SLC1A1: variants seen among roughly 807,000 people sequenced by gnomAD.
The protein encoded by SLC1A1 is solute carrier family 1 member 1.
A neutral mutation model predicts 53.3 loss-of-function variants in SLC1A1; 43 were observed. The observed-to-expected ratio is 0.81, with a 90% confidence interval of 0.63 to 1.04. The LOEUF is 1.04. Among genes scored for constraint, SLC1A1 ranks in the 50% least tolerant of loss-of-function variants. The pLI is 0.00. For missense variants in SLC1A1, 748 were observed against 664.9 expected, an observed-to-expected ratio of 1.12 and a Z score of -1.37; for synonymous variants, 307 against 243.2, an observed-to-expected ratio of 1.26 and a Z score of -2.44.
Position 4,490,542 on chromosome 9 carries a change from G to T in SLC1A1, c.-138G>T. 1 of 503,184 alleles carries T rather than the reference G, an allele frequency of 2.0e-6. No individual in the cohort carries two copies. The highest frequency in any genetic ancestry group is 3.4e-6 in the Non-Finnish European group (1 of 295,638). 31.2% of individuals were successfully genotyped at this position (503,184 alleles called of 1,614,324 possible). A position where few individuals can be genotyped will look rare whatever the true frequency, so the allele number is the denominator to read the frequency against. On this transcript the variant is annotated 5_prime_UTR_variant, in exon 1 of 12. Coordinates refer to ENST00000262352, the MANE Select transcript of SLC1A1 (RefSeq NM_004170.6). ...TGGCGGCGGCAACGGCGGTGGTGAC[G>T]GCGGCGACTGCAGCGGCCGGCTCTC... is the stretch of plus-strand genomic sequence containing the variant.
At chr9:4,493,484 C>T (rs923281794) in intron 1 of SLC1A1, among the ~76,000 whole-genome samples, 4 of 152,160 alleles carry the variant, frequency 2.6e-5, no homozygotes, top group East Asian at 1.9e-4. Flanking sequence ...CCAGAAAAAT[C>T]GCAAGAGCTC....
chr9:4,573,032 A>C (rs1046752367), intron 7 of SLC1A1, among the ~76,000 whole-genome samples: 5 of 152,228 alleles, frequency 3.3e-5, no homozygotes, highest in African/African-American at 1.2e-4. Context: ...ATGAGAACAC[A>C]AAGTGCTTTC....
chr9:4,529,297 G>A (rs938375759), intron 1 of SLC1A1, among the ~76,000 whole-genome samples: 3 of 152,082 alleles, frequency 2.0e-5, no homozygotes, highest in East Asian at 1.9e-4. Context: ...GTGCAGTTAC[G>A]TACATCTACC....
chr9:4,558,861 T>G (rs1818672693), intron 2 of SLC1A1, among the ~76,000 whole-genome samples: 1 of 152,170 alleles, frequency 6.6e-6, no homozygotes, highest in Non-Finnish European at 1.5e-5. Flanking sequence ...GATCCCATAT[T>G]AGGGCTACAG....
Position 4,576,625 on chromosome 9 carries a change from A to T in SLC1A1, c.1055A>T (p.Lys352Met), listed in dbSNP as rs763472138. Residue 352 changes from lysine (K) to methionine (M), a missense_variant, in exon 10 of 12, where the codon AAG becomes ATG. Transcript: ENST00000262352. ...RCAEENNQVD[K>M]RITRFVLPVG... ...GCTGAAGAAAATAACCAGGTGGACA[A>T]GAGGATCACTCGATTCGTGTTACCC... 6.2e-7 allele frequency: 1 copy of T among 1,614,206 alleles called. No homozygotes were observed. The highest frequency in any genetic ancestry group is 2.2e-5 in the East Asian group (1 of 44,884).
chr9:4,583,100 T>C lies in SLC1A1; in HGVS notation c.1256T>C (p.Met419Thr), dbSNP rs570166067. 1.9e-6 allele frequency: 3 copies of C among 1,614,194 alleles called. No individual in the cohort carries two copies. Among genetic ancestry groups the C allele is most frequent in the Non-Finnish European group, 2.5e-6 (3 of 1,180,018 alleles). Residue 419 changes from methionine to threonine, a missense_variant, in exon 11 of 12, where the codon ATG becomes ACG. Met to Thr is a moderately conservative substitution (Grantham distance 81, BLOSUM62 -1). Coordinates refer to ENST00000262352, the MANE Select transcript of SLC1A1 (RefSeq NM_004170.6). This position sits in a 1 kb window ranked among gnomAD's most constrained non-coding sequence, Gnocchi z 4.6. ...GTGCCCCAGGCTGGCCTGGTGACCA[T>C]GGTGATTGTGCTGAGTGCCGTGGGC... The part of the protein sequence containing the change: ...AGVPQAGLVT[M>T]VIVLSAVGLP...
At chr9:4,508,740 T>C (rs980138855) in intron 1 of SLC1A1, among the ~76,000 whole-genome samples, 4 of 152,212 alleles carry the variant, frequency 2.6e-5, no homozygotes, top group Non-Finnish European at 5.9e-5. Flanking sequence ...CCTTTCATAA[T>C]CAGGTTTGAT....
At chr9:4,493,550 A>C (rs1314718776) in intron 1 of SLC1A1, among the ~76,000 whole-genome samples, 2 of 152,206 alleles carry the variant, frequency 1.3e-5, no homozygotes, top group East Asian at 1.9e-4. Context: ...AAGAAAAAAA[A>C]CTGTGAAATT....
In SLC1A1 at chr9:4,583,880, TCTCACACA is replaced by T. The variant is rs1050566129; in HGVS notation, c.1328+710_1328+717del. On this transcript the variant is annotated intron_variant, in intron 11 of 11. Transcript: ENST00000262352. The surrounding 1 kb of genome is among the most constrained non-coding windows in gnomAD (Gnocchi z 4.6). ...CTCTCTCTCTCTCTCTCTCTCTCTCTCTCACACACACACACACACACACACACACACAT... is the reference window on the plus strand; with the variant it reads ...CTCTCTCTCTCTCTCTCTCTCTCTCTCACACACACACACACACACACACAT... 3.4e-4 allele frequency among the ~76,000 whole-genome samples: 45 copies of T among 131,728 alleles called. No homozygotes were observed. The highest frequency in any genetic ancestry group is 5.9e-4 in the Non-Finnish European group (38 of 64,728). 86.4% of individuals were successfully genotyped at this position (131,728 alleles called of 152,430 possible).
At chr9:4,551,918 TAGTGTATA>T (rs1227840692) in intron 2 of SLC1A1, among the ~76,000 whole-genome samples, 1 of 152,208 alleles carries the variant, frequency 6.6e-6, no homozygotes, top group African/African-American at 2.4e-5. Flanking sequence ...AACGACCACA[TAGTGTATA>T]AGGAAGAGCT....
At chr9:4,496,994 G>A (rs757827401) in intron 1 of SLC1A1, among the ~76,000 whole-genome samples, 2 of 152,142 alleles carry the variant, frequency 1.3e-5, no homozygotes, top group Non-Finnish European at 2.9e-5. Flanking sequence ...GTGAAATGGA[G>A]GGACCTAGTT....
chr9:4,564,243 C>G (rs1374620765), intron 3 of SLC1A1, 101 bp from the exon 4 acceptor site: 2 of 828,896 alleles, frequency 2.4e-6, no homozygotes, highest in Non-Finnish European at 2.0e-6. Context: ...CCCCATCACA[C>G]TATTGCCTGG....
At chr9:4,496,841 G>A (rs748341903) in intron 1 of SLC1A1, among the ~76,000 whole-genome samples, 1 of 152,128 alleles carries the variant, frequency 6.6e-6, no homozygotes, top group Non-Finnish European at 1.5e-5. Flanking sequence ...AGGCTGCAGG[G>A]AGCTTGATCA....
intron 1 of SLC1A1, among the ~76,000 whole-genome samples, chr9:4,511,331 C>T (rs748062557): frequency 2.2e-4 from 33 of 152,108 alleles, no homozygotes; most frequent in Non-Finnish European, 4.0e-4. Context: ...TAGCTGTTTC[C>T]TCACACAGTG....
intron 1 of SLC1A1, among the ~76,000 whole-genome samples, chr9:4,498,465 T>C (rs565169278): frequency 6.6e-6 from 1 of 152,240 alleles, no homozygotes; most frequent in East Asian, 1.9e-4. Flanking sequence ...TTCTTCAAAA[T>C]GACAGGAATA....
chr9:4,578,963 C>T (rs924874934), intron 10 of SLC1A1, among the ~76,000 whole-genome samples: 3 of 152,218 alleles, frequency 2.0e-5, no homozygotes, highest in African/African-American at 7.2e-5. Context: ...AGAGTTAATT[C>T]ATTCTTGTGT....
At chr9:4,560,209 G>C (rs931243566) in intron 2 of SLC1A1, 1 of 152,190 alleles carries the variant, frequency 6.6e-6, no homozygotes, top group African/African-American at 2.4e-5. Flanking sequence ...GAAGCAATTT[G>C]AAAATCATGA....
chr9:4,516,885 C>T (rs1033132506), intron 1 of SLC1A1, among the ~76,000 whole-genome samples: 1 of 152,146 alleles, frequency 6.6e-6, no homozygotes, highest in African/African-American at 2.4e-5. Flanking sequence ...CAAGTGATTT[C>T]CTAGTCTTGG....
At chr9:4,521,237 T>G (rs992831722) in intron 1 of SLC1A1, among the ~76,000 whole-genome samples, 2 of 152,212 alleles carry the variant, frequency 1.3e-5, no homozygotes, top group Non-Finnish European at 2.9e-5. Flanking sequence ...TTCAAAAAAA[T>G]TTTTAATTTT....
Sources: gnomAD v4.1 joint callset for allele counts (sites outside exome capture counted in the v4.1 genomes callset) on GRCh38, gnomAD v4.1.1 for gene constraint, Gnocchi (gnomAD v3.1) non-coding constraint, MANE v1.5 for transcripts, NCBI Gene and HGNC (gene_info 2026-07-23, HGNC 2026-07-21) for gene names.